The following ZNF713 variants were observed in gnomAD, a reference collection of about 807,000 sequenced individuals.
ZNF713 encodes zinc finger protein 713.
Under a neutral mutation model 28.7 loss-of-function variants are expected in ZNF713, and 21 were observed. The observed-to-expected ratio is 0.73, with a 90% CI of 0.52 to 1.05. ZNF713 has a LOEUF of 1.05. ZNF713 is among the 50% of genes least tolerant of loss of function. ZNF713 has a pLI of 0.00. For missense variants in ZNF713, 458 were observed against 532.4 expected (o/e 0.86, Z 1.37); for synonymous variants, 167 against 178.0 (o/e 0.94, Z 0.49).
rs1219266725 is a variant in ZNF713 at position 55,940,745 on chromosome 7, A to G, written c.*739A>G. The G allele has an allele frequency of 1.8e-5, 3 of 168,528 alleles. No individual in the cohort carries two copies. The highest frequency in any genetic ancestry group is 7.2e-5 in the African/African-American group (3 of 41,590). The allele number at this position is 168,528 out of a possible 1,614,324, so 10.4% of individuals were successfully genotyped here. ...AACAGAGCAAGACTCTGTCTCAAAA[A>G]AAAAAAAGAAAGAAAGCCTATAGGC... On this transcript the variant is annotated 3_prime_UTR_variant, in exon 7 of 7. Transcript: ENST00000429591.
chr7:55,892,555 C>CT, intron 1 of ZNF713, among the ~76,000 whole-genome samples: 1 of 74,366 alleles, frequency 1.3e-5, no homozygotes, highest in East Asian at 4.7e-4. Context: ...AAGCACTGAC[C>CT]AAAAAAAAAA....
In ZNF713 at chr7:55,939,420, T is replaced by C; in HGVS notation, c.746T>C (p.Leu249Pro). The C allele has an allele frequency of 6.2e-7, 1 of 1,613,982 alleles. No homozygotes were observed. Among genetic ancestry groups the C allele is most frequent in the Middle Eastern group, 1.7e-4 (1 of 6,060 alleles). The change falls in exon 7 of 7, where the codon CTT becomes CCT. Residue 249 changes from leucine to proline, a missense_variant. Leu to Pro is a moderately conservative substitution (Grantham distance 98). Coordinates refer to ENST00000429591, the MANE Select transcript of ZNF713 (RefSeq NM_182633.3). ...GGAAAAATCTTCAATCAACATATTC[T>C]TCTTACTGATCATATTCATACTGCA... ...ECGKIFNQHI[L>P]LTDHIHTAEK...
chr7:55,914,658 G>A (rs991899229), intron 4 of ZNF713, among the ~76,000 whole-genome samples: 5 of 152,170 alleles, frequency 3.3e-5, no homozygotes, highest in African/African-American at 1.2e-4. Flanking sequence ...AAAAGGCAGA[G>A]TTTGAATTTG....
At chr7:55,925,065 C>T (rs925853693) in intron 6 of ZNF713, among the ~76,000 whole-genome samples, 18 of 151,818 alleles carry the variant, frequency 1.2e-4, no homozygotes, top group Non-Finnish European at 2.2e-4. Context: ...GGCATACCAC[C>T]TACGATGTTC....
chr7:55,930,068 C>G (rs969888084), intron 6 of ZNF713, among the ~76,000 whole-genome samples: 1 of 148,416 alleles, frequency 6.7e-6, no homozygotes, highest in African/African-American at 2.5e-5. Flanking sequence ...ATGAACAGTT[C>G]TTTTTTTTTT....
intron 1 of ZNF713, among the ~76,000 whole-genome samples, chr7:55,889,991 G>A (rs1170408225): frequency 2.0e-5 from 3 of 152,190 alleles, no homozygotes; most frequent in African/African-American, 7.2e-5. Flanking sequence ...TGCCTGCCCT[G>A]TTGGTTTCCA....
Position 55,939,710 on chromosome 7 carries a change from CA to C in ZNF713, c.1038del (p.Gln346HisfsTer40), listed in dbSNP as rs781561453. On this transcript the variant is annotated frameshift_variant, in exon 7 of 7. Coordinates refer to ENST00000429591, the MANE Select transcript of ZNF713 (RefSeq NM_182633.3). LOFTEE classifies it high-confidence loss of function. The stretch of plus-strand genomic sequence containing the variant: ...TGGAGAAAAGCCCTATAAATGTAAT[CA>C]ATGTGGTAAAGCTTTTAGCCGCATC... ...HTGEKPYKCNQCGKAFSRITS... is the reference protein window; with the variant it reads ...HTGEKPYKCNXCGKAFSRITS... 6.2e-7 allele frequency: 1 copy of C among 1,614,142 alleles called. No homozygotes were observed. The highest frequency in any genetic ancestry group is 8.5e-7 in the Non-Finnish European group (1 of 1,180,022).
intron 4 of ZNF713, among the ~76,000 whole-genome samples, chr7:55,921,217 G>A (rs139517227): frequency 0.018 from 2,672 of 152,140 alleles, 37 homozygotes; most frequent in Non-Finnish European, 0.028. Context: ...AAAAATTACT[G>A]CTCATTGACA....
At position 55,912,754 on chromosome 7, in the gene ZNF713, C is replaced by T. The variant is rs1336511702; in HGVS notation, c.87+31C>T. 1.9e-6 allele frequency: 3 copies of T among 1,564,418 alleles called. No individual in the cohort carries two copies. The highest frequency in any genetic ancestry group is 1.7e-5 in the Admixed American group (1 of 59,072). ...TTCAGTTTTCCTCTCCTCTGAAATG[C>T]CAGTGTTCTCAGAATGTGGGCACTT... On this transcript the variant is annotated intron_variant, in intron 4 of 6. Transcript: ENST00000429591.
chr7:55,895,451 CTTTTTTTTTTTTTTTTTTTTTTT>C (rs55972416), intron 1 of ZNF713, among the ~76,000 whole-genome samples: 1 of 82,374 alleles, frequency 1.2e-5, no homozygotes, highest in Non-Finnish European at 2.6e-5. Context: ...CTGTTATACT[CTTTTTTTTTTTTTTTTTTTTTTT>C]TTTTTTTTTT....
intron 4 of ZNF713, among the ~76,000 whole-genome samples, chr7:55,913,073 C>T (rs1234854684): frequency 6.6e-6 from 1 of 152,088 alleles, no homozygotes; most frequent in African/African-American, 2.4e-5. Flanking sequence ...GCCGAGGCCC[C>T]TAGGACTGCT....
intron 1 of ZNF713, among the ~76,000 whole-genome samples, chr7:55,889,492 C>CT (rs1262514121): frequency 1.3e-5 from 2 of 152,186 alleles, no homozygotes; most frequent in Non-Finnish European, 2.9e-5. Flanking sequence ...GGTTGGAACA[C>CT]TTAGTAGGTT....
At chr7:55,908,606 T>G (rs147003580) in intron 2 of ZNF713, among the ~76,000 whole-genome samples, 1,587 of 152,218 alleles carry the variant, frequency 0.01, 10 homozygotes, top group Middle Eastern at 0.027. Context: ...GGTTTTTTTT[T>G]TTCTTGTTGA....
chr7:55,919,506 T>TTTGTTTTTTTTTG (rs1562743561), intron 4 of ZNF713, among the ~76,000 whole-genome samples: 1 of 63,106 alleles, frequency 1.6e-5, no homozygotes, highest in Non-Finnish European at 2.8e-5. Flanking sequence ...TTTTTTTTTT[T>TTTGTTTTTTTTTG]TTTTTTTTTT....
intron 1 of ZNF713, among the ~76,000 whole-genome samples, chr7:55,892,555 C>CAAA (rs56338467): frequency 0.2 from 14,586 of 73,592 alleles, 1,903 homozygotes; most frequent in Non-Finnish European, 0.22. Context: ...AAGCACTGAC[C>CAAA]AAAAAAAAAA....
chr7:55,897,982 C>T (rs879469730), intron 1 of ZNF713, among the ~76,000 whole-genome samples: 1 of 152,158 alleles, frequency 6.6e-6, no homozygotes, highest in Non-Finnish European at 1.5e-5. Flanking sequence ...AGGCTAGTGG[C>T]TAAAGGAACC....
intron 2 of ZNF713, among the ~76,000 whole-genome samples, chr7:55,909,113 C>G (rs754124191): frequency 6.7e-6 from 1 of 149,454 alleles, no homozygotes; most frequent in East Asian, 2.0e-4. Flanking sequence ...CAGGAGAAAT[C>G]GCTTGAACCA....
rs1562731745 is a variant in ZNF713 at position 55,887,852 on chromosome 7, G to A, written c.-583+172G>A. ...GCGGCGGGCGGCGGGCGGCGGCGGC[G>A]GCGGGCGGCGGGCGGCGGCGGCGGC... is the stretch of plus-strand genomic sequence containing the variant. On this transcript the variant is annotated intron_variant, in intron 1 of 6. Coordinates refer to ENST00000429591, the MANE Select transcript of ZNF713 (RefSeq NM_182633.3). 8.3e-4 allele frequency among the ~76,000 whole-genome samples: 19 copies of A among 22,898 alleles called. 5 individuals are homozygous for A. The highest frequency in any genetic ancestry group is 5.3e-3 in the African/African-American group (17 of 3,236). The allele number at this position is 22,898 out of a possible 152,430, so 15.0% of individuals were successfully genotyped here. A position where few individuals can be genotyped will look rare whatever the true frequency, so the allele number is the denominator to read the frequency against.
At chr7:55,895,634 A>G (rs561624761) in intron 1 of ZNF713, among the ~76,000 whole-genome samples, 63 of 151,598 alleles carry the variant, frequency 4.2e-4, no homozygotes, top group African/African-American at 1.5e-3. Context: ...ATGCCTGGCT[A>G]ATTTTGTATT....
Sources: allele counts gnomAD v4.1 joint callset (sites outside exome capture counted in the v4.1 genomes callset), GRCh38; gene constraint gnomAD v4.1.1; transcripts MANE v1.5; gene names NCBI Gene and HGNC (gene_info 2026-07-23, HGNC 2026-07-21).